ATP10B: variants seen among roughly 807,000 people sequenced by gnomAD.
ATP10B encodes phospholipid-transporting ATPase VB.
A neutral mutation model predicts 141.2 loss-of-function variants in ATP10B; 122 were observed. That is an observed-to-expected ratio of 0.86 (90% CI 0.75 to 1.00). ATP10B has a LOEUF of 1.00. ATP10B is among the 50% of genes least tolerant of loss of function. The probability of loss-of-function intolerance (pLI) is 0.00; values close to 1 mark genes in which losing one functional copy is unlikely to be tolerated. For synonymous variants in ATP10B, 685 were observed against 692.0 expected (o/e 0.99, Z 0.16); for missense variants, 1,876 against 1,825.3 (o/e 1.03, Z -0.51).
rs192497986 is a variant in ATP10B at position 160,672,368 on chromosome 5, C to G, written c.471-1701G>C. ...GTTCTGCTCTTCCAGGTAATACGGT[C>G]TATTCCACCTTCTACCATTCTTTAA... On this transcript the variant is annotated intron_variant, in intron 6 of 25. Transcript: ENST00000327245. 4.0e-4 allele frequency among the ~76,000 whole-genome samples: 61 copies of G among 152,302 alleles called. 1 individual carries two copies. The East Asian group carries it at 7.5e-3, about 19-fold the overall frequency.
intron 1 of ATP10B, among the ~76,000 whole-genome samples, chr5:160,821,617 G>C (rs1774109547): frequency 6.6e-6 from 1 of 151,952 alleles, no homozygotes; most frequent in Non-Finnish European, 1.5e-5. Flanking sequence ...ATACTACTAA[G>C]CTATAGTAAC....
chr5:160,607,591 T>C (rs531831114), intron 18 of ATP10B, among the ~76,000 whole-genome samples: 36 of 152,312 alleles, frequency 2.4e-4, no homozygotes, highest in African/African-American at 7.9e-4. Flanking sequence ...TCATTACTAC[T>C]TGAACTGTGG....
chr5:160,581,240 T>A (rs1375082349), intron 24 of ATP10B, among the ~76,000 whole-genome samples: 1 of 152,218 alleles, frequency 6.6e-6, no homozygotes, highest in Non-Finnish European at 1.5e-5. Context: ...AATTGTGATG[T>A]TAGGGTGTTG....
intron 24 of ATP10B, among the ~76,000 whole-genome samples, chr5:160,586,893 A>T (rs1242950763): frequency 6.6e-6 from 1 of 151,950 alleles, no homozygotes; most frequent in African/African-American, 2.4e-5. Flanking sequence ...GATTACAAAA[A>T]TTTTCTCCCA....
At position 160,622,434 on chromosome 5, in the gene ATP10B, T is replaced by C. The variant is rs1437584254; in HGVS notation, c.1772A>G (p.Asn591Ser). Reference sequence around the variant, plus strand: ...GGTGGTTGTGGACACCATGACAGAGTTGCAGATGGTTAAGGCAAGGAAGAA... The same window carrying C: ...GGTGGTTGTGGACACCATGACAGAGCTGCAGATGGTTAAGGCAAGGAAGAA... ...ADFFLALTIC[N>S]SVMVSTTTEP... is the part of the protein sequence containing the mutation. Residue 591 changes from asparagine (N) to serine (S), a missense_variant, in exon 14 of 26, where the codon AAC (asparagine) becomes AGC (serine). Physicochemically the swap from Asn to Ser is conservative, Grantham distance 46. Coordinates refer to ENST00000327245, the MANE Select transcript of ATP10B (RefSeq NM_025153.3). The C allele has an allele frequency of 1.2e-6, 2 of 1,613,696 alleles. No individual in the cohort carries two copies. The highest frequency in any genetic ancestry group is 1.7e-5 in the Admixed American group (1 of 59,978).
chr5:160,585,760 A>G (rs1472430860), intron 24 of ATP10B, among the ~76,000 whole-genome samples: 1 of 152,134 alleles, frequency 6.6e-6, no homozygotes, highest in Non-Finnish European at 1.5e-5. Context: ...CATTGCCATG[A>G]TCTGTGTCCT....
At chr5:160,807,965 T>A (rs372068468) in intron 1 of ATP10B, among the ~76,000 whole-genome samples, 1 of 152,196 alleles carries the variant, frequency 6.6e-6, no homozygotes. Flanking sequence ...AGTCCCCTGG[T>A]CTTTTACTTG....
At chr5:160,659,599 T>C (rs1264732029) in intron 7 of ATP10B, among the ~76,000 whole-genome samples, 1 of 151,816 alleles carries the variant, frequency 6.6e-6, no homozygotes, top group Non-Finnish European at 1.5e-5. Context: ...ATGCTAGACA[T>C]TGGGAAGAGG....
chr5:160,786,010 C>T (rs899091990), intron 1 of ATP10B, among the ~76,000 whole-genome samples: 6 of 152,108 alleles, frequency 3.9e-5, no homozygotes, highest in African/African-American at 1.4e-4. Context: ...ACTTTATCTG[C>T]CACCATACAG....
chr5:160,595,696 AT>A (rs1756637276), intron 22 of ATP10B, among the ~76,000 whole-genome samples: 1 of 152,210 alleles, frequency 6.6e-6, no homozygotes, highest in Non-Finnish European at 1.5e-5. Flanking sequence ...GCAATAAAAA[AT>A]GATAAAGGGG....
intron 1 of ATP10B, among the ~76,000 whole-genome samples, chr5:160,822,989 C>CATATAT (rs773879988): frequency 0.011 from 771 of 69,476 alleles, 35 homozygotes; most frequent in Non-Finnish European, 0.015. Context: ...ATTACATATA[C>CATATAT]ATATATATAT....
chr5:160,838,330 A>ATTT (rs1775591813), intron 1 of ATP10B, among the ~76,000 whole-genome samples: 1 of 152,174 alleles, frequency 6.6e-6, no homozygotes, highest in Non-Finnish European at 1.5e-5. Flanking sequence ...TGTAGATGTA[A>ATTT]CTTTCAAATT....
the ATP10B span, among the ~76,000 whole-genome samples, chr5:160,874,908 T>C: frequency 2.8e-5 from 4 of 144,548 alleles, no homozygotes; most frequent in Admixed American, 6.9e-5. Context: ...CTACATCTGA[T>C]TGGTGTACCT....
intron 6 of ATP10B, among the ~76,000 whole-genome samples, chr5:160,673,809 C>G (rs1477801394): frequency 1.3e-5 from 2 of 152,158 alleles, no homozygotes; most frequent in African/African-American, 4.8e-5. Context: ...CCTGGGAAAA[C>G]CTGTTAAATA....
chr5:160,787,887 C>A (rs970167520), intron 1 of ATP10B, among the ~76,000 whole-genome samples: 1 of 152,162 alleles, frequency 6.6e-6, no homozygotes, highest in African/African-American at 2.4e-5. Flanking sequence ...ATTATTCCCC[C>A]TTATTAATTA....
chr5:160,673,408 C>T (rs1762838759), intron 6 of ATP10B, among the ~76,000 whole-genome samples: 1 of 152,084 alleles, frequency 6.6e-6, no homozygotes, highest in African/African-American at 2.4e-5. Flanking sequence ...AAGCATTTAT[C>T]CTTTGTGTTA....
At chr5:160,925,705 G>A in the ATP10B span, among the ~76,000 whole-genome samples, 1 of 152,194 alleles carries the variant, frequency 6.6e-6, no homozygotes, top group African/African-American at 2.4e-5. Flanking sequence ...TGTAAACAAT[G>A]TGTACTCTGA....
chr5:160,832,885 G>T (rs1775186332), intron 1 of ATP10B, among the ~76,000 whole-genome samples: 1 of 152,104 alleles, frequency 6.6e-6, no homozygotes, highest in Non-Finnish European at 1.5e-5. Flanking sequence ...TTATGGTCAG[G>T]CATGGGCTGG....
the ATP10B span, among the ~76,000 whole-genome samples, chr5:160,873,125 T>C: frequency 1.0e-4 from 15 of 150,504 alleles, no homozygotes; most frequent in African/African-American, 3.2e-4. Context: ...TTTTTTTTGT[T>C]TTTTTTTTTT....
Sources: allele counts gnomAD v4.1 joint callset (sites outside exome capture counted in the v4.1 genomes callset), GRCh38; gene constraint gnomAD v4.1.1; transcripts MANE v1.5; gene names NCBI Gene and HGNC (gene_info 2026-07-23, HGNC 2026-07-21).